The following TNRC6C variants were observed in gnomAD, a reference collection of about 807,000 sequenced individuals.
TNRC6C encodes the protein trinucleotide repeat-containing gene 6C protein.
TNRC6C carries 20 observed loss-of-function variants against 153.7 expected under a neutral mutation model. The observed-to-expected ratio is 0.13, with a 90% CI of 0.09 to 0.19. The LOEUF (loss-of-function observed/expected upper bound fraction) is 0.19, where lower values mean the gene tolerates loss of function less well. TNRC6C is among the 10% of genes least tolerant of loss of function. The pLI, the probability that TNRC6C is intolerant of heterozygous loss-of-function variation, is 1.00. For synonymous variants in TNRC6C, 811 were observed against 841.4 expected (o/e 0.96, Z 0.63); for missense variants, 1,987 against 2,172.0 (o/e 0.91, Z 1.69).
rs759666081 is a variant in TNRC6C at position 78,050,785 on chromosome 17, C to T, written c.1723C>T (p.Pro575Ser). The stretch of plus-strand genomic sequence containing the variant: ...CAAGTCACCCACCTGGGGTGAGCCT[C>T]CAAAGCCCAAATCCCAACACTGGGG... Residue 575 changes from proline (P) to serine (S), a missense_variant, in exon 3 of 20, where the codon CCA becomes TCA. Pro to Ser is a moderately conservative substitution (Grantham distance 74, BLOSUM62 -1). This residue lies in a region of TNRC6C where 1,052 missense variants were observed against 1,017.0 expected (regional missense o/e 1.03). Transcript: ENST00000301624. 5.6e-6 allele frequency: 9 copies of T among 1,608,040 alleles called. No individual in the cohort carries two copies. The South Asian group carries it at 6.7e-5, about 12-fold the overall frequency.
chr17:77,967,551 C>T (rs2070907480), intron 1 of TNRC6C, among the ~76,000 whole-genome samples: 1 of 152,154 alleles, frequency 6.6e-6, no homozygotes, highest in Non-Finnish European at 1.5e-5. Context: ...AGGTGAGGAA[C>T]AGTCATCATA....
At position 77,992,804 on chromosome 17, in the gene TNRC6C, G is replaced by C. The variant is rs79606879; in HGVS notation, c.-37-11366G>C. 2.3e-3 allele frequency among the ~76,000 whole-genome samples: 346 copies of C among 152,222 alleles called. 15 individuals carry two copies. The East Asian group carries it at 0.062, about 27-fold the overall frequency. ...TTTTTCTTCCCTTGTAGAACAGGTG[G>C]GTGTTCTTATGGTTCATGAGAATCC... On this transcript the variant is annotated intron_variant, in intron 1 of 22. Coordinates refer to the TNRC6C transcript ENST00000636222.
chr17:78,031,902 T>C (rs185354852), intron 2 of TNRC6C, 60 bp downstream of exon 4: 2 of 1,224,476 alleles, frequency 1.6e-6, no homozygotes, highest in Non-Finnish European at 2.0e-6. Context: ...TTTTCAACTT[T>C]GCTGCTGAGC....
intron 2 of TNRC6C, among the ~76,000 whole-genome samples, chr17:78,046,468 G>T (rs2072412778): frequency 6.6e-6 from 1 of 152,194 alleles, no homozygotes; most frequent in Admixed American, 6.5e-5. Context: ...GAGAGCCACT[G>T]CGCCTGGCCG....
intron 1 of TNRC6C, among the ~76,000 whole-genome samples, chr17:77,964,008 A>G (rs1049627098): frequency 4.6e-5 from 7 of 152,172 alleles, no homozygotes; most frequent in Non-Finnish European, 1.0e-4. Context: ...CCACTGCCCT[A>G]AGACCCATAT....
At chr17:77,983,963 C>T (rs1215031534) in intron 1 of TNRC6C, among the ~76,000 whole-genome samples, 1 of 152,126 alleles carries the variant, frequency 6.6e-6, no homozygotes, top group Non-Finnish European at 1.5e-5. Context: ...AAGGTAGCTG[C>T]ATGTTACCTT....
chr17:78,006,504 C>CTTCT (rs2071503681), intron 1 of TNRC6C, among the ~76,000 whole-genome samples: 1 of 54,932 alleles, frequency 1.8e-5, no homozygotes, highest in South Asian at 6.8e-4. Context: ...TCTTCTTCTT[C>CTTCT]TTCTTCTTCT....
In TNRC6C at chr17:78,099,625, C is replaced by T. The variant is rs992772437; in HGVS notation, c.4501+1088C>T. The stretch of plus-strand genomic sequence containing the variant: ...GTTAACCTCCCACTGGGTTCCTTCA[C>T]GAAACATGGGAATTGTGGGAGTTAC... On this transcript the variant is annotated intron_variant, in intron 17 of 19. Coordinates refer to ENST00000301624, the Ensembl canonical transcript of TNRC6C. 7.9e-5 allele frequency among the ~76,000 whole-genome samples: 12 copies of T among 152,156 alleles called. 1 individual carries two copies. The South Asian group carries it at 1.2e-3, about 16-fold the overall frequency.
At position 78,059,028 on chromosome 17, in the gene TNRC6C, C is replaced by A. The variant is rs8068724; in HGVS notation, c.2396-5694C>A. Among the ~76,000 whole-genome samples, 310 of 152,258 alleles carry A rather than the reference C, an allele frequency of 2.0e-3. 4 individuals carry two copies. The highest frequency in any genetic ancestry group is 6.8e-3 in the African/African-American group (282 of 41,526). ...GAAGCTTCTACCTAAAAAGATGAGA[C>A]GTGTATTGTTTCTATAAGTCTCATT... On this transcript the variant is annotated intron_variant, in intron 3 of 19. Coordinates refer to ENST00000301624, the Ensembl canonical transcript of TNRC6C.
chr17:77,965,828 C>T (rs182758007), intron 1 of TNRC6C, among the ~76,000 whole-genome samples: 1 of 152,322 alleles, frequency 6.6e-6, no homozygotes, highest in African/African-American at 2.4e-5. Context: ...TTTGGATGCT[C>T]TGAGAACTCC....
At chr17:78,050,488 A>G in exon 3 of TNRC6C, 3 of 1,614,034 alleles carry the variant, frequency 1.9e-6, no homozygotes, top group Non-Finnish European at 2.5e-6. Context: ...TGACAATGGG[A>G]CAGAGGCCTG....
At chr17:78,022,199 C>G (rs1300341486) in intron 1 of TNRC6C, among the ~76,000 whole-genome samples, 1 of 152,182 alleles carries the variant, frequency 6.6e-6, no homozygotes, top group Non-Finnish European at 1.5e-5. Context: ...CAGTCCTGCC[C>G]TACTCACATA....
chr17:77,979,234 G>A lies in TNRC6C; in HGVS notation c.-38+19966G>A, dbSNP rs187633871. Reference sequence around the variant, plus strand: ...TGACAATAGTTTACAATAATCTTTTGTATATTTTAAAATAGCTAGAAGAGA... The same window carrying A: ...TGACAATAGTTTACAATAATCTTTTATATATTTTAAAATAGCTAGAAGAGA... On this transcript the variant is annotated intron_variant, in intron 1 of 22. Transcript: ENST00000636222. Among the ~76,000 whole-genome samples the A allele has an allele frequency of 8.6e-3, 1,311 of 152,242 alleles. 13 individuals carry two copies. Among genetic ancestry groups the A allele is most frequent in the South Asian group, 0.037 (179 of 4,822 alleles).
intron 9 of TNRC6C, chr17:78,077,687 C>A: frequency 4.2e-6 from 1 of 237,810 alleles, no homozygotes; most frequent in East Asian, 1.2e-4. Context: ...TTCCTCATGG[C>A]AACCAAAACG....
At chr17:78,096,286 G>A (rs913447567) in intron 16 of TNRC6C, among the ~76,000 whole-genome samples, 8 of 152,140 alleles carry the variant, frequency 5.3e-5, no homozygotes, top group Non-Finnish European at 8.8e-5. Flanking sequence ...GGAGGAAGGA[G>A]AGGATTCAGA....
At chr17:78,088,086 C>T (rs1481585218) in intron 13 of TNRC6C, among the ~76,000 whole-genome samples, 2 of 152,162 alleles carry the variant, frequency 1.3e-5, no homozygotes, top group Non-Finnish European at 2.9e-5. Flanking sequence ...AATTTGCTGC[C>T]AGCAGATAAT....
rs768161623 is a variant in TNRC6C at position 78,104,794 on chromosome 17, G to A, written c.5022G>A (p.Thr1674=). 7.6e-6 allele frequency: 11 copies of A among 1,444,200 alleles called. 1 individual carries two copies. The highest frequency in any genetic ancestry group is 5.0e-4 in the Middle Eastern group (2 of 3,976). 89.5% of individuals were successfully genotyped at this position (1,444,200 alleles called of 1,614,324 possible). A position where few individuals can be genotyped will look rare whatever the true frequency, so the allele number is the denominator to read the frequency against. The change falls in exon 20 of 20, where the codon ACG becomes ACA. Residue 1674 remains threonine (T), a synonymous_variant. Transcript: ENST00000301624. This position sits in a 1 kb window ranked among gnomAD's most constrained non-coding sequence, Gnocchi z 6.2. ...ACAGCAGGGTGATAGGCAGCCCCAC[G>A]CCGCTAACCACCCTGCTGCCTGGGG...
rs200098437 is a variant in TNRC6C at position 78,086,896 on chromosome 17, A to T, written c.3605A>T (p.His1202Leu). The change falls in exon 13 of 20, where the codon CAC (histidine) becomes CTC (leucine). Residue 1202 changes from histidine to leucine, a missense_variant. By Grantham distance (99) the His-to-Leu change is moderately conservative. This residue lies in a region of TNRC6C where 765 missense variants were observed against 908.6 expected (regional missense o/e 0.84). Coordinates refer to ENST00000301624, the Ensembl canonical transcript of TNRC6C. ...AATCTGCAGCAGCAGATCCAGCAGCACCAGCGCCAGCTGGCCCAGGCCCTG... is the reference window on the plus strand; with the variant it reads ...AATCTGCAGCAGCAGATCCAGCAGCTCCAGCGCCAGCTGGCCCAGGCCCTG... 2.7e-5 allele frequency: 44 copies of T among 1,612,340 alleles called. No individual in the cohort carries two copies. Among genetic ancestry groups the T allele is most frequent in the Non-Finnish European group, 3.6e-5 (43 of 1,179,812 alleles).
At chr17:78,021,624 C>T (rs917704148) in intron 1 of TNRC6C, among the ~76,000 whole-genome samples, 1 of 152,150 alleles carries the variant, frequency 6.6e-6, no homozygotes, top group Non-Finnish European at 1.5e-5. Flanking sequence ...GGCTGGAGTG[C>T]GATGGCGCAG....
Sources: allele counts gnomAD v4.1 joint callset (sites outside exome capture counted in the v4.1 genomes callset), GRCh38; gene constraint gnomAD v4.1.1; regional missense constraint gnomAD v4.1.1; non-coding constraint Gnocchi (gnomAD v3.1); transcripts MANE v1.5; gene names NCBI Gene and HGNC (gene_info 2026-07-23, HGNC 2026-07-21).